The following GOLIM4 variants were observed in gnomAD, a reference collection of about 807,000 sequenced individuals.
GOLIM4 encodes 130 kDa golgi-localized phosphoprotein.
GOLIM4 carries 71 observed loss-of-function variants against 107.4 expected under a neutral mutation model. The observed-to-expected ratio is 0.66, with a 90% CI of 0.55 to 0.81. The LOEUF (loss-of-function observed/expected upper bound fraction) is 0.81. Among genes scored for constraint, GOLIM4 ranks in the 30% least tolerant of loss-of-function variants. The pLI is 0.00. For synonymous variants in GOLIM4, 327 were observed against 294.8 expected, an observed-to-expected ratio of 1.11 and a Z score of -1.12; for missense variants, 830 against 826.1, an observed-to-expected ratio of 1.00 and a Z score of -0.06.
intron 1 of GOLIM4, among the ~76,000 whole-genome samples, chr3:168,083,944 A>C (rs1721494740): frequency 6.6e-6 from 1 of 152,184 alleles, no homozygotes; most frequent in East Asian, 1.9e-4. Context: ...TTCCAAGATT[A>C]GGTTATTAAA....
At chr3:168,011,608 AAGAC>A (rs1223280436) in intron 14 of GOLIM4, among the ~76,000 whole-genome samples, 2 of 151,590 alleles carry the variant, frequency 1.3e-5, no homozygotes, top group African/African-American at 2.4e-5. Flanking sequence ...GACAAACAAA[AAGAC>A]AGCAGTAACC....
intron 14 of GOLIM4, among the ~76,000 whole-genome samples, chr3:168,012,888 A>G (rs1717137389): frequency 6.6e-6 from 1 of 151,750 alleles, no homozygotes; most frequent in South Asian, 2.1e-4. Context: ...TCCTAAAGGA[A>G]GCGCTAAACA....
At chr3:168,040,577 T>C (rs1158732536) in intron 7 of GOLIM4, among the ~76,000 whole-genome samples, 1 of 152,212 alleles carries the variant, frequency 6.6e-6, no homozygotes, top group Non-Finnish European at 1.5e-5. Flanking sequence ...AATGATCATT[T>C]ATGTACCGCA....
At chr3:168,069,152 C>T (rs1341688905) in intron 1 of GOLIM4, among the ~76,000 whole-genome samples, 5 of 152,098 alleles carry the variant, frequency 3.3e-5, no homozygotes, top group African/African-American at 1.2e-4. Context: ...AAAATTGCTA[C>T]ACAAACTATT....
intron 1 of GOLIM4, among the ~76,000 whole-genome samples, chr3:168,069,684 TTC>T (rs1361767902): frequency 6.6e-5 from 10 of 152,246 alleles, no homozygotes; most frequent in Non-Finnish European, 1.0e-4. Flanking sequence ...TGCTTTGATG[TTC>T]TGTCTTTGAA....
intron 7 of GOLIM4, 70 bp from the exon 8 acceptor site, chr3:168,037,064 A>ATGAATGCCCATTCATAGATGGGCATTTGT: frequency 3.0e-6 from 3 of 1,004,634 alleles, no homozygotes; most frequent in Non-Finnish European, 1.5e-6. Flanking sequence ...ATTTGGGTAC[A>ATGAATGCCCATTCATAGATGGGCATTTGT]CTGTAAAACT....
intron 1 of GOLIM4, among the ~76,000 whole-genome samples, chr3:168,053,464 T>C (rs140167622): frequency 9.1e-4 from 139 of 152,292 alleles, no homozygotes; most frequent in Non-Finnish European, 1.4e-3. Flanking sequence ...TGTGAAAACA[T>C]TGAGATTTGC....
chr3:168,072,377 TA>T (rs547225724), intron 1 of GOLIM4, among the ~76,000 whole-genome samples: 9,443 of 129,904 alleles, frequency 0.073, 293 homozygotes, highest in Non-Finnish European at 0.093. Flanking sequence ...AGATGTGATT[TA>T]AAAAAAAAAA....
At chr3:168,085,969 G>A (rs1165334533) in intron 1 of GOLIM4, among the ~76,000 whole-genome samples, 1 of 152,066 alleles carries the variant, frequency 6.6e-6, no homozygotes, top group Non-Finnish European at 1.5e-5. Flanking sequence ...GTTAAAGATT[G>A]TATGGATACC....
chr3:168,035,850 G>GAA (rs199624045), intron 8 of GOLIM4, among the ~76,000 whole-genome samples: 2 of 136,890 alleles, frequency 1.5e-5, no homozygotes, highest in Non-Finnish European at 1.6e-5. Flanking sequence ...CAGATGATTG[G>GAA]AAAAAAAAAA....
At chr3:168,027,974 G>A (rs1277251789) in intron 11 of GOLIM4, 137 bp from the exon 12 acceptor site, 1 of 646,558 alleles carries the variant, frequency 1.5e-6, no homozygotes, top group African/African-American at 1.8e-5. Flanking sequence ...TAAGGCCTAT[G>A]TCCTGGCTTT....
chr3:168,061,142 A>G (rs1720250876), intron 1 of GOLIM4, among the ~76,000 whole-genome samples: 1 of 143,692 alleles, frequency 7.0e-6, no homozygotes, highest in South Asian at 2.1e-4. Context: ...GATTTTAGAG[A>G]AGCAAAAAAA....
At chr3:168,064,322 T>C (rs1720430562) in intron 1 of GOLIM4, among the ~76,000 whole-genome samples, 1 of 152,230 alleles carries the variant, frequency 6.6e-6, no homozygotes, top group Non-Finnish European at 1.5e-5. Context: ...ACAATGTGGT[T>C]ACCTGCTGAA....
At chr3:168,032,006 G>A (rs1446848418) in intron 9 of GOLIM4, among the ~76,000 whole-genome samples, 4 of 152,162 alleles carry the variant, frequency 2.6e-5, no homozygotes, top group African/African-American at 9.7e-5. Context: ...AGCAGAGGCT[G>A]TTTAGATATG....
At chr3:168,047,754 A>C (rs534886519) in intron 2 of GOLIM4, among the ~76,000 whole-genome samples, 2 of 152,238 alleles carry the variant, frequency 1.3e-5, no homozygotes, top group African/African-American at 2.4e-5. Context: ...AGCATTGCCC[A>C]GTGGCTGTCC....
intron 9 of GOLIM4, among the ~76,000 whole-genome samples, chr3:168,030,975 G>A (rs981263035): frequency 7.9e-5 from 12 of 152,154 alleles, no homozygotes; most frequent in African/African-American, 2.7e-4. Flanking sequence ...ATCCATCAAC[G>A]GATGAATGGA....
intron 3 of GOLIM4, among the ~76,000 whole-genome samples, chr3:168,045,275 G>A (rs929069944): frequency 6.6e-5 from 10 of 152,150 alleles, no homozygotes; most frequent in South Asian, 2.1e-4. Flanking sequence ...GAAATAAACC[G>A]ATGAGGAGCG....
At chr3:168,015,500 A>T (rs1717312225) in intron 14 of GOLIM4, among the ~76,000 whole-genome samples, 5 of 136,878 alleles carry the variant, frequency 3.7e-5, no homozygotes, top group Admixed American at 7.0e-5. Context: ...CATCCCCATC[A>T]AGCTACCAAT....
intron 1 of GOLIM4, among the ~76,000 whole-genome samples, chr3:168,071,787 C>G (rs1720842504): frequency 6.6e-6 from 1 of 151,984 alleles, no homozygotes; most frequent in African/African-American, 2.4e-5. Flanking sequence ...GTAGAACTTA[C>G]TTTAATTAAA....
Sources: gnomAD v4.1 joint callset for allele counts (sites outside exome capture counted in the v4.1 genomes callset) on GRCh38, gnomAD v4.1.1 for gene constraint, MANE v1.5 for transcripts, NCBI Gene and HGNC (gene_info 2026-07-23, HGNC 2026-07-21) for gene names.